Variants in GRM1 observed in about 807,000 individuals in gnomAD.
GRM1 encodes the protein glutamate metabotropic receptor 1, also known as metabotropic glutamate receptor 1.
GRM1 carries 33 observed loss-of-function variants against 90.9 expected under a neutral mutation model. The ratio of observed to expected loss-of-function variants is 0.36; its 90% CI spans 0.28 to 0.49. The LOEUF (loss-of-function observed/expected upper bound fraction) is 0.49. Ranked by LOEUF, GRM1 falls within the 20% of genes least tolerant of loss-of-function variation. The probability of loss-of-function intolerance (pLI) is 0.99; values close to 1 mark genes in which losing one functional copy is unlikely to be tolerated. For synonymous variants in GRM1, 700 were observed against 613.2 expected, an observed-to-expected ratio of 1.14 and a Z score of -2.09; for missense variants, 1,190 against 1,534.3, an observed-to-expected ratio of 0.78 and a Z score of 3.75.
chr6:146,314,513 C>T (rs562198276), intron 3 of GRM1, among the ~76,000 whole-genome samples: 1 of 152,090 alleles, frequency 6.6e-6, no homozygotes, highest in African/African-American at 2.4e-5. Flanking sequence ...TAAGCATATT[C>T]TTTCATTTTT....
At chr6:146,326,370 A>G (rs955093216) in intron 3 of GRM1, among the ~76,000 whole-genome samples, 14 of 152,322 alleles carry the variant, frequency 9.2e-5, no homozygotes, top group African/African-American at 3.4e-4. Context: ...GTTCTCACTC[A>G]TAAGTGGGAG....
chr6:146,305,915 CAAT>C, intron 3 of GRM1, among the ~76,000 whole-genome samples: 1 of 152,212 alleles, frequency 6.6e-6, no homozygotes, highest in African/African-American at 2.4e-5. Context: ...AGACAAATAA[CAAT>C]AGAGGACAAC....
chr6:146,294,161 A>G (rs1331522533), intron 2 of GRM1, among the ~76,000 whole-genome samples: 2 of 151,648 alleles, frequency 1.3e-5, no homozygotes, highest in Non-Finnish European at 3.0e-5. Flanking sequence ...TCTTAAGTTG[A>G]AAATAAGCTC....
chr6:146,429,765 A>G (rs1047168647), intron 7 of GRM1, among the ~76,000 whole-genome samples: 1 of 152,030 alleles, frequency 6.6e-6, no homozygotes, highest in Non-Finnish European at 1.5e-5. Context: ...CTGGGACTCA[A>G]TGGTGTTTTC....
At chr6:146,301,977 G>A (rs1783400487) in intron 2 of GRM1, among the ~76,000 whole-genome samples, 1 of 152,010 alleles carries the variant, frequency 6.6e-6, no homozygotes, top group East Asian at 1.9e-4. Flanking sequence ...TTGAGTAATA[G>A]GCTTACAACA....
chr6:146,189,263 C>T (rs943233626), intron 2 of GRM1, among the ~76,000 whole-genome samples: 1 of 152,172 alleles, frequency 6.6e-6, no homozygotes, highest in African/African-American at 2.4e-5. Context: ...GACTATTTTT[C>T]CTGTTTTCCT....
At position 146,176,245 on chromosome 6, in the gene GRM1, C is replaced by T. The variant is rs991090011; in HGVS notation, c.950+16648C>T. Among the ~76,000 whole-genome samples, 26 of 151,896 alleles carry T rather than the reference C, an allele frequency of 1.7e-4. 1 individual carries two copies. The highest frequency in any genetic ancestry group is 3.1e-4 in the Non-Finnish European group (21 of 67,916). ...ATTTCTCTAGGTGTCAGCAAGGATC[C>T]TTTAACTGGCAATAGTCAAGCAGAG... On this transcript the variant is annotated intron_variant, in intron 2 of 7. Coordinates refer to ENST00000282753, the MANE Select transcript of GRM1 (RefSeq NM_001278064.2).
At chr6:146,278,714 G>A (rs2114847388) in intron 2 of GRM1, among the ~76,000 whole-genome samples, 1 of 152,270 alleles carries the variant, frequency 6.6e-6, no homozygotes, top group East Asian at 1.9e-4. Context: ...AACCTGGGAG[G>A]CTGAGGTTGC....
intron 3 of GRM1, among the ~76,000 whole-genome samples, chr6:146,344,914 C>T (rs568852100): frequency 2.7e-4 from 41 of 152,142 alleles, no homozygotes; most frequent in African/African-American, 5.6e-4. Flanking sequence ...CAGGTTCAAG[C>T]GATTCTCCTG....
chr6:146,130,275 T>A (rs896393805), intron 1 of GRM1, among the ~76,000 whole-genome samples: 1 of 151,196 alleles, frequency 6.6e-6, no homozygotes, highest in Non-Finnish European at 1.5e-5. Flanking sequence ...CTTCTTTCTT[T>A]CTTTCGTAAG....
chr6:146,298,514 C>T (rs952278151), intron 2 of GRM1, among the ~76,000 whole-genome samples: 1 of 152,216 alleles, frequency 6.6e-6, no homozygotes, highest in East Asian at 1.9e-4. Context: ...AAACTGGGTC[C>T]ATTCTAACAG....
intron 1 of GRM1, among the ~76,000 whole-genome samples, chr6:146,034,419 G>C (rs575345466): frequency 6.6e-6 from 1 of 151,840 alleles, no homozygotes; most frequent in South Asian, 2.1e-4. Context: ...AACATCCCAA[G>C]GTCTTTTCAG....
At chr6:146,037,262 C>T (rs1790924435) in intron 1 of GRM1, among the ~76,000 whole-genome samples, 2 of 151,998 alleles carry the variant, frequency 1.3e-5, no homozygotes, top group South Asian at 2.1e-4. Flanking sequence ...TACAGATTTT[C>T]GACCCTAAAC....
At chr6:146,378,033 T>C (rs1776175233) in intron 5 of GRM1, among the ~76,000 whole-genome samples, 1 of 152,184 alleles carries the variant, frequency 6.6e-6, no homozygotes, top group Non-Finnish European at 1.5e-5. Context: ...CAAGCCTTGG[T>C]GGCTTACACA....
At chr6:146,100,745 T>C (rs1348413954) in intron 1 of GRM1, among the ~76,000 whole-genome samples, 1 of 152,200 alleles carries the variant, frequency 6.6e-6, no homozygotes, top group Non-Finnish European at 1.5e-5. Context: ...GAAAATCTAC[T>C]TGTGAACTTC....
chr6:146,343,166 C>T (rs1223562570), intron 3 of GRM1, among the ~76,000 whole-genome samples: 1 of 152,006 alleles, frequency 6.6e-6, no homozygotes, highest in East Asian at 1.9e-4. Context: ...TAACTTATTT[C>T]TCATAGTTCA....
At chr6:146,362,497 G>A (rs962431053) in intron 5 of GRM1, among the ~76,000 whole-genome samples, 1 of 151,816 alleles carries the variant, frequency 6.6e-6, no homozygotes, top group African/African-American at 2.4e-5. Context: ...GGCTAACATG[G>A]TGAAACCCCA....
At chr6:146,349,749 A>T (rs983502996) in intron 3 of GRM1, among the ~76,000 whole-genome samples, 9 of 152,198 alleles carry the variant, frequency 5.9e-5, no homozygotes, top group Admixed American at 3.3e-4. Flanking sequence ...TATCATAGGT[A>T]TGAATAAATA....
At chr6:146,295,962 A>C (rs1783163095) in intron 2 of GRM1, among the ~76,000 whole-genome samples, 2 of 152,150 alleles carry the variant, frequency 1.3e-5, no homozygotes, top group African/African-American at 4.8e-5. Context: ...CTTATAAGTG[A>C]GAACATCCGG....
Sources: allele counts gnomAD v4.1 joint callset (sites outside exome capture counted in the v4.1 genomes callset), GRCh38; gene constraint gnomAD v4.1.1; transcripts MANE v1.5; gene names NCBI Gene and HGNC (gene_info 2026-07-23, HGNC 2026-07-21).